Variants in ZNF420 observed in about 807,000 individuals in gnomAD.
ZNF420 encodes the protein zinc finger protein 420, also known as ATM and p53-associated KZNF protein.
In ZNF420, 31 loss-of-function variants were observed where a neutral mutation model predicts 44.7. The observed-to-expected ratio is 0.69, with a 90% CI of 0.52 to 0.94. The LOEUF is 0.94. Ranked by LOEUF, ZNF420 falls within the 40% of genes least tolerant of loss-of-function variation. The pLI is 0.00. For synonymous variants in ZNF420, 245 were observed against 267.4 expected, an observed-to-expected ratio of 0.92 and a Z score of 0.82; for missense variants, 681 against 827.9, an observed-to-expected ratio of 0.82 and a Z score of 2.18.
chr19:37,127,640 C>T lies in ZNF420; in HGVS notation c.649C>T (p.His217Tyr). 6.2e-7 allele frequency: 1 copy of T among 1,613,960 alleles called. No homozygotes were observed. Among genetic ancestry groups the T allele is most frequent in the Non-Finnish European group, 8.5e-7 (1 of 1,179,944 alleles). ...SSQLILHHRIHTGEKPYKCEE... is the reference protein window; with the variant it reads ...SSQLILHHRIYTGEKPYKCEE... ...ACAACTTATTTTACATCATAGAATTCATACTGGTGAAAAACCATATAAATG... is the reference window on the plus strand; with the variant it reads ...ACAACTTATTTTACATCATAGAATTTATACTGGTGAAAAACCATATAAATG... Residue 217 changes from histidine (H) to tyrosine (Y), a missense_variant, in exon 5 of 5, where the codon CAT (histidine) becomes TAT (tyrosine). Around this residue, in one of 3 missense-constraint regions of ZNF420, gnomAD observed 350 missense variants for 382.5 expected, o/e 0.92. Coordinates refer to ENST00000337995, the MANE Select transcript of ZNF420 (RefSeq NM_144689.5).
chr19:37,075,858 C>A (rs1391354025), upstream of ZNF420, among the ~76,000 whole-genome samples: 2 of 152,144 alleles, frequency 1.3e-5, no homozygotes, highest in African/African-American at 4.8e-5. Context: ...TACCCTAAAT[C>A]CTCTCTTCTC....
intron 1 of ZNF420, among the ~76,000 whole-genome samples, chr19:37,061,089 G>GC (rs1967871451): frequency 2.0e-5 from 3 of 152,102 alleles, no homozygotes; most frequent in Non-Finnish European, 4.4e-5. Flanking sequence ...GGTCACCTGT[G>GC]CCCCCCTTCC....
intron 1 of ZNF420, among the ~76,000 whole-genome samples, chr19:37,050,855 G>A (rs939662723): frequency 6.6e-6 from 1 of 152,100 alleles, no homozygotes; most frequent in Non-Finnish European, 1.5e-5. Context: ...TGGGTTGTGG[G>A]TTTGTCATAG....
At chr19:37,081,658 T>A (rs1012887731) in intron 2 of ZNF420, among the ~76,000 whole-genome samples, 1 of 150,930 alleles carries the variant, frequency 6.6e-6, no homozygotes, top group Non-Finnish European at 1.5e-5. Context: ...CCCGAGTAGC[T>A]GGGAATACAG....
intron 4 of ZNF420, among the ~76,000 whole-genome samples, chr19:37,121,161 T>G (rs565227377): frequency 6.8e-6 from 1 of 146,078 alleles, no homozygotes; most frequent in South Asian, 2.2e-4. Flanking sequence ...GAGCCCGCAT[T>G]GCCAAGTCAA....
chr19:37,058,560 G>C lies in ZNF420; in HGVS notation c.-124-21785G>C, dbSNP rs575262058. Among the ~76,000 whole-genome samples, 47 of 152,214 alleles carry C rather than the reference G, an allele frequency of 3.1e-4. No homozygotes were observed. In the South Asian group the frequency reaches 5.2e-3, roughly 17 times the overall value. On this transcript the variant is annotated intron_variant, in intron 1 of 4. Transcript: ENST00000587029. ...TAGGCTGTGGAGGGGTGAGGGTGGGGTGAACTATGCAGAAACCTCTCCGCT... is the reference window on the plus strand; with the variant it reads ...TAGGCTGTGGAGGGGTGAGGGTGGGCTGAACTATGCAGAAACCTCTCCGCT...
chr19:37,010,063 G>A (rs1019771186), intron 1 of ZNF420, among the ~76,000 whole-genome samples: 1 of 152,208 alleles, frequency 6.6e-6, no homozygotes, highest in African/African-American at 2.4e-5. Flanking sequence ...AGTCGGCCTA[G>A]GCAATGCGCA....
At chr19:37,087,299 AAAT>A (rs1239492417) in intron 2 of ZNF420, among the ~76,000 whole-genome samples, 1,304 of 117,926 alleles carry the variant, frequency 0.011, 23 homozygotes, top group South Asian at 0.05. Context: ...AAAAATAAAT[AAAT>A]AAATAAATAA....
intron 3 of ZNF420, 75 bp from the exon 4 acceptor site, chr19:37,090,919 CA>C (rs879728879): frequency 0.17 from 167,846 of 1,008,824 alleles, 46 homozygotes; most frequent in South Asian, 0.19. Flanking sequence ...GACTCCATCT[CA>C]AAAAAAAAAA....
intron 1 of ZNF420, among the ~76,000 whole-genome samples, chr19:37,021,706 A>G (rs1335728507): frequency 6.6e-6 from 1 of 151,802 alleles, no homozygotes; most frequent in East Asian, 2.0e-4. Flanking sequence ...TGGGAGGCCA[A>G]GGCATGGGGA....
chr19:37,029,731 C>T (rs570171928), intron 1 of ZNF420, among the ~76,000 whole-genome samples: 61 of 152,160 alleles, frequency 4.0e-4, no homozygotes, highest in African/African-American at 1.4e-3. Flanking sequence ...TCATGTTGGC[C>T]AGGCCTGATG....
chr19:37,129,184 A>C lies in ZNF420; in HGVS notation c.*126A>C. ...CACAGCATCAGATAATTTATGTGAGAGAAAATGGTAGTGTCATTCATATAG... is the reference window on the plus strand; with the variant it reads ...CACAGCATCAGATAATTTATGTGAGCGAAAATGGTAGTGTCATTCATATAG... On this transcript the variant is annotated 3_prime_UTR_variant, in exon 5 of 5. Coordinates refer to ENST00000337995, the MANE Select transcript of ZNF420 (RefSeq NM_144689.5). 1.7e-6 allele frequency: 2 copies of C among 1,168,836 alleles called. No individual in the cohort carries two copies. The highest frequency in any genetic ancestry group is 3.1e-5 in the South Asian group (2 of 63,920). 72.4% of individuals were successfully genotyped at this position (1,168,836 alleles called of 1,614,324 possible).
Position 37,047,854 on chromosome 19 carries a change from C to T in ZNF420, c.-124-32491C>T, listed in dbSNP as rs532832970. 7.9e-5 allele frequency among the ~76,000 whole-genome samples: 12 copies of T among 152,266 alleles called. No homozygotes were observed. In the South Asian group the frequency reaches 2.5e-3, roughly 32 times the overall value. ...GCCATCTGGAAGCGAATTGGAATTACAGTCTATGAGTGTGGGATTGATTTT... is the reference window on the plus strand; with the variant it reads ...GCCATCTGGAAGCGAATTGGAATTATAGTCTATGAGTGTGGGATTGATTTT... On this transcript the variant is annotated intron_variant, in intron 1 of 4. Coordinates refer to the ZNF420 transcript ENST00000587029.
intron 1 of ZNF420, among the ~76,000 whole-genome samples, chr19:37,026,570 C>T (rs139734382): frequency 0.024 from 3,665 of 152,214 alleles, 159 homozygotes; most frequent in African/African-American, 0.083. Flanking sequence ...CTGCCCACCT[C>T]GGCCTCCCAA....
intron 2 of ZNF420, among the ~76,000 whole-genome samples, chr19:37,088,634 ATACT>A (rs1224047152): frequency 6.6e-6 from 1 of 152,238 alleles, no homozygotes; most frequent in Non-Finnish European, 1.5e-5. Context: ...GGTGTCAACA[ATACT>A]TAGTTACATA....
At chr19:37,053,117 T>A (rs1967670410) in intron 1 of ZNF420, among the ~76,000 whole-genome samples, 1 of 152,248 alleles carries the variant, frequency 6.6e-6, no homozygotes, top group Non-Finnish European at 1.5e-5. Flanking sequence ...TCATTTGATC[T>A]TCCATCAGTG....
At chr19:37,025,627 T>G (rs1967141880) in intron 1 of ZNF420, among the ~76,000 whole-genome samples, 1 of 151,880 alleles carries the variant, frequency 6.6e-6, no homozygotes, top group Admixed American at 6.6e-5. Context: ...TCATGTGTAG[T>G]GAGATGGGGA....
At chr19:37,067,534 C>T (rs1967988126) in intron 1 of ZNF420, among the ~76,000 whole-genome samples, 1 of 152,076 alleles carries the variant, frequency 6.6e-6, no homozygotes, top group South Asian at 2.1e-4. Context: ...TATTTTTGTA[C>T]AATTCTTTTA....
At chr19:37,046,540 A>AT (rs993287564) in intron 1 of ZNF420, among the ~76,000 whole-genome samples, 38 of 152,268 alleles carry the variant, frequency 2.5e-4, no homozygotes, top group Non-Finnish European at 4.9e-4. Context: ...CAATAAAACA[A>AT]TTTTTTTAAA....
Sources: allele counts gnomAD v4.1 joint callset (sites outside exome capture counted in the v4.1 genomes callset), GRCh38; gene constraint gnomAD v4.1.1; regional missense constraint gnomAD v4.1.1; transcripts MANE v1.5; gene names NCBI Gene and HGNC (gene_info 2026-07-23, HGNC 2026-07-21).